The following PKHD1 variants were observed in gnomAD, a reference collection of about 807,000 sequenced individuals.
PKHD1 encodes the protein fibrocystin.
In PKHD1, 291 loss-of-function variants were observed where a neutral mutation model predicts 412.0. The ratio of observed to expected loss-of-function variants is 0.71; its 90% CI spans 0.64 to 0.78. The LOEUF (loss-of-function observed/expected upper bound fraction) is 0.78. Among genes scored for constraint, PKHD1 ranks in the 30% least tolerant of loss-of-function variants. The pLI, the probability that PKHD1 is intolerant of heterozygous loss-of-function variation, is 0.00. For synonymous variants in PKHD1, 1,777 were observed against 1,821.5 expected, an observed-to-expected ratio of 0.98 and a Z score of 0.62; for missense variants, 4,825 against 4,950.7, an observed-to-expected ratio of 0.97 and a Z score of 0.76.
Position 52,071,057 on chromosome 6 carries a change from C to G in PKHD1, c.616G>C (p.Glu206Gln). Residue 206 changes from glutamate to glutamine, a missense_variant, in exon 9 of 67, where the codon GAG becomes CAG. Transcript: ENST00000371117. ...TGCAGAGTCCCAAGACCATGGTCCTCCTGAATAGGATAACTAAGGAAAAGA... is the reference window on the plus strand; with the variant it reads ...TGCAGAGTCCCAAGACCATGGTCCTGCTGAATAGGATAACTAAGGAAAAGA... ...RQMGSCYPIQEDHGLGTLQCH... is the reference protein window; with the variant it reads ...RQMGSCYPIQQDHGLGTLQCH... 1 of 1,603,430 alleles carries G rather than the reference C, an allele frequency of 6.2e-7. No homozygotes were observed. Among genetic ancestry groups the G allele is most frequent in the Non-Finnish European group, 8.5e-7 (1 of 1,170,530 alleles).
At chr6:51,729,047 C>T (rs1212650485) in intron 60 of PKHD1, among the ~76,000 whole-genome samples, 2 of 152,228 alleles carry the variant, frequency 1.3e-5, no homozygotes, top group South Asian at 2.1e-4. Context: ...TATGGATAGG[C>T]TGGTTTCCAC....
At chr6:52,050,418 CTT>C in intron 21 of PKHD1, 123 bp from the exon 22 acceptor site, 1 of 964,992 alleles carries the variant, frequency 1.0e-6, no homozygotes, top group Non-Finnish European at 1.7e-6. Context: ...TAGATTCCTA[CTT>C]ATCTGCTGCC....
At chr6:51,760,951 G>A (rs1196336435) in intron 55 of PKHD1, among the ~76,000 whole-genome samples, 1 of 152,050 alleles carries the variant, frequency 6.6e-6, no homozygotes, top group African/African-American at 2.4e-5. Flanking sequence ...AGTGAGGATG[G>A]AAAGAGAAGA....
At chr6:51,965,959 G>A (rs543074802) in intron 35 of PKHD1, among the ~76,000 whole-genome samples, 63 of 152,124 alleles carry the variant, frequency 4.1e-4, no homozygotes, top group African/African-American at 1.5e-3. Flanking sequence ...TGAATTTTAA[G>A]TCCAAAGACC....
intron 52 of PKHD1, among the ~76,000 whole-genome samples, chr6:51,794,212 A>T (rs1794220942): frequency 6.6e-6 from 1 of 151,896 alleles, no homozygotes; most frequent in African/African-American, 2.4e-5. Flanking sequence ...TGACTTTTTA[A>T]TAATAGCCAT....
intron 52 of PKHD1, among the ~76,000 whole-genome samples, chr6:51,821,667 T>G (rs528957784): frequency 6.6e-6 from 1 of 152,354 alleles, no homozygotes; most frequent in South Asian, 2.1e-4. Flanking sequence ...TTTGTAATAC[T>G]CTACTTTTAG....
At chr6:51,752,965 T>C in intron 57 of PKHD1, among the ~76,000 whole-genome samples, 1 of 152,208 alleles carries the variant, frequency 6.6e-6, no homozygotes, top group East Asian at 1.9e-4. Flanking sequence ...CTGCTGAAGA[T>C]GTTTTCTTTG....
chr6:51,866,848 T>TA (rs1775141535), intron 48 of PKHD1, among the ~76,000 whole-genome samples: 1 of 152,054 alleles, frequency 6.6e-6, no homozygotes, highest in African/African-American at 2.4e-5. Flanking sequence ...TGATTAGAAA[T>TA]AAAAATATAT....
chr6:51,752,193 C>T (rs1562232983), intron 57 of PKHD1, among the ~76,000 whole-genome samples: 1 of 152,128 alleles, frequency 6.6e-6, no homozygotes, highest in Admixed American at 6.5e-5. Flanking sequence ...TTTGAACCAG[C>T]CTTTGTCTCC....
chr6:51,918,308 C>A (rs1375755005), intron 37 of PKHD1, among the ~76,000 whole-genome samples: 1 of 152,030 alleles, frequency 6.6e-6, no homozygotes, highest in Non-Finnish European at 1.5e-5. Flanking sequence ...ATCAACCCAT[C>A]ATCTACATTA....
chr6:51,742,502 C>A (rs1444041323), intron 60 of PKHD1, among the ~76,000 whole-genome samples: 1 of 152,116 alleles, frequency 6.6e-6, no homozygotes. Context: ...TAAAAAGATA[C>A]ATAGAACTGT....
chr6:51,830,759 A>T, intron 52 of PKHD1, 102 bp downstream of exon 52: 1 of 1,180,142 alleles, frequency 8.5e-7, no homozygotes, highest in South Asian at 1.3e-5. Flanking sequence ...GTGCCTACTT[A>T]TTTCCAAACT....
chr6:51,808,547 T>C (rs1164368702), intron 52 of PKHD1, among the ~76,000 whole-genome samples: 2 of 152,088 alleles, frequency 1.3e-5, no homozygotes, highest in East Asian at 1.9e-4. Flanking sequence ...TGTGTGTGTT[T>C]ATGTATGTGT....
In PKHD1 at chr6:51,802,861, G is replaced by A. The variant is rs902024157; in HGVS notation, c.8303-11488C>T. 6.0e-5 allele frequency among the ~76,000 whole-genome samples: 9 copies of A among 150,664 alleles called. 1 individual carries two copies. The highest frequency in any genetic ancestry group is 1.9e-4 in the East Asian group (1 of 5,168). ...ACTATGAGATTCTTTAATTTTCCTC[G>A]GTATTATTGACTTTTTTTCTTAAGT... On this transcript the variant is annotated intron_variant, in intron 52 of 66. Transcript: ENST00000371117.
At chr6:51,642,324 T>C (rs1376460466) in intron 63 of PKHD1, among the ~76,000 whole-genome samples, 1 of 152,132 alleles carries the variant, frequency 6.6e-6, no homozygotes, top group Non-Finnish European at 1.5e-5. Flanking sequence ...AGGTACAGAA[T>C]ATAAGTAAGT....
At chr6:51,721,574 T>C in intron 60 of PKHD1, 15 of 1,003,456 alleles carry the variant, frequency 1.5e-5, no homozygotes, top group Non-Finnish European at 1.8e-5. Context: ...CAATTTAATA[T>C]CTGAATTGCT....
intron 60 of PKHD1, among the ~76,000 whole-genome samples, chr6:51,736,244 T>TC (rs1379550530): frequency 6.6e-6 from 1 of 152,180 alleles, no homozygotes; most frequent in African/African-American, 2.4e-5. Flanking sequence ...AAGGAAATTG[T>TC]CCCCATAGAT....
chr6:51,657,560 C>T (rs553806512), intron 61 of PKHD1, among the ~76,000 whole-genome samples: 2 of 152,226 alleles, frequency 1.3e-5, no homozygotes, highest in African/African-American at 4.8e-5. Context: ...CTATATTATA[C>T]ACTTTGAACT....
intron 60 of PKHD1, among the ~76,000 whole-genome samples, chr6:51,736,608 C>T (rs1356175096): frequency 1.3e-5 from 2 of 152,136 alleles, no homozygotes; most frequent in Non-Finnish European, 2.9e-5. Context: ...AATTAAAGAG[C>T]TATATACCAA....
Sources: gnomAD v4.1 joint callset for allele counts (sites outside exome capture counted in the v4.1 genomes callset) on GRCh38, gnomAD v4.1.1 for gene constraint, MANE v1.5 for transcripts, NCBI Gene and HGNC (gene_info 2026-07-23, HGNC 2026-07-21) for gene names.